Variants in ZNF536 observed in about 807,000 individuals in gnomAD.
The protein encoded by ZNF536 is zinc finger protein 536.
In ZNF536, 13 loss-of-function variants were observed where a neutral mutation model predicts 84.5. That is an observed-to-expected ratio of 0.15 (90% confidence interval 0.10 to 0.24). The LOEUF is 0.24. Ranked by LOEUF, ZNF536 falls within the 10% of genes least tolerant of loss-of-function variation. The pLI, the probability that ZNF536 is intolerant of heterozygous loss-of-function variation, is 1.00. For missense variants in ZNF536, 1,536 were observed against 1,747.5 expected (o/e 0.88, Z 2.16); for synonymous variants, 811 against 742.5 (o/e 1.09, Z -1.50).
In ZNF536 at chr19:30,245,946, G is replaced by C. The variant is rs545744138; in HGVS notation, c.-190+17273G>C. Among the ~76,000 whole-genome samples, 6 of 152,350 alleles carry C rather than the reference G, an allele frequency of 3.9e-5. No homozygotes were observed. The South Asian group carries it at 1.2e-3, about 32-fold the overall frequency. ...TCTTTGTCGCTGCTGAGAGCCAGCT[G>C]TGTGGAGCCCTGATTAACACAGATA... On this transcript the variant is annotated intron_variant, in intron 1 of 5. Coordinates refer to the ZNF536 transcript ENST00000585628.
chr19:30,509,220 G>A (rs1011580965), intron 2 of ZNF536, among the ~76,000 whole-genome samples: 10 of 145,744 alleles, frequency 6.9e-5, no homozygotes, highest in African/African-American at 2.3e-4. Context: ...CTTGCAAATC[G>A]AGTTATATAA....
chr19:30,416,111 C>T (rs1914885194), intron 1 of ZNF536, among the ~76,000 whole-genome samples: 1 of 152,188 alleles, frequency 6.6e-6, no homozygotes, highest in South Asian at 2.1e-4. Context: ...TTTAGATCTT[C>T]AACAGGGATT....
intron 2 of ZNF536, among the ~76,000 whole-genome samples, chr19:30,486,475 C>T (rs773828716): frequency 1.3e-5 from 2 of 152,156 alleles, no homozygotes; most frequent in Non-Finnish European, 2.9e-5. Context: ...TATACATGTA[C>T]CACATTTTCT....
At chr19:30,306,494 G>A (rs933471603) in intron 2 of ZNF536, among the ~76,000 whole-genome samples, 2 of 152,188 alleles carry the variant, frequency 1.3e-5, no homozygotes, top group Admixed American at 1.3e-4. Context: ...CACGTTGATA[G>A]AGCTAATGAA....
At chr19:30,619,718 T>C (rs921411502) in intron 1 of ZNF536, among the ~76,000 whole-genome samples, 15 of 152,236 alleles carry the variant, frequency 9.9e-5, no homozygotes, top group Middle Eastern at 3.2e-3. Flanking sequence ...CTCATGTCTG[T>C]CTATATTTAT....
intron 2 of ZNF536, among the ~76,000 whole-genome samples, chr19:30,446,829 A>ACAG (rs2052372463): frequency 1.4e-5 from 2 of 141,030 alleles, no homozygotes; most frequent in African/African-American, 5.2e-5. Context: ...AACAACAACA[A>ACAG]CAACAACAAC....
intron 1 of ZNF536, among the ~76,000 whole-genome samples, chr19:30,412,116 G>A (rs1240437828): frequency 1.3e-5 from 2 of 151,698 alleles, no homozygotes; most frequent in Non-Finnish European, 2.9e-5. Flanking sequence ...CGATTTATTA[G>A]TACTAACAGT....
intron 1 of ZNF536, among the ~76,000 whole-genome samples, chr19:30,439,965 T>C (rs1259704847): frequency 8.0e-5 from 10 of 125,626 alleles, no homozygotes; most frequent in Non-Finnish European, 1.2e-4. Flanking sequence ...CTTTCTTTTT[T>C]TTTTTTTTTT....
At chr19:30,302,255 G>A (rs906609287) in intron 2 of ZNF536, among the ~76,000 whole-genome samples, 4 of 152,140 alleles carry the variant, frequency 2.6e-5, no homozygotes, top group African/African-American at 4.8e-5. Flanking sequence ...CGGGAGATGG[G>A]AGGCTCTGTC....
chr19:30,628,730 G>A (rs1024862969), intron 1 of ZNF536, among the ~76,000 whole-genome samples: 4 of 151,886 alleles, frequency 2.6e-5, no homozygotes, highest in African/African-American at 4.8e-5. Context: ...ACGGAGTCTC[G>A]CTTTGGAGCC....
At chr19:30,669,000 G>C (rs368336408) in intron 1 of ZNF536, among the ~76,000 whole-genome samples, 60 of 152,348 alleles carry the variant, frequency 3.9e-4, no homozygotes, top group African/African-American at 1.4e-3. Flanking sequence ...CGGGGGCAAG[G>C]GTTGTCGGGG....
Position 30,678,388 on chromosome 19 carries a change from C to A in ZNF536, c.170-32369C>A, listed in dbSNP as rs552611437. On this transcript the variant is annotated intron_variant, in intron 1 of 1. Transcript: ENST00000592773. The stretch of plus-strand genomic sequence containing the variant: ...GGATATCGGTGAGAGGCTCCAGGAG[C>A]CGAGTGCAGAGCCGATCCAGCCCAG... Among the ~76,000 whole-genome samples, 3 of 152,248 alleles carry A rather than the reference C, an allele frequency of 2.0e-5. No homozygotes were observed. The South Asian group carries it at 6.2e-4, about 32-fold the overall frequency.
intron 2 of ZNF536, among the ~76,000 whole-genome samples, chr19:30,287,986 A>G (rs1164933325): frequency 6.6e-6 from 1 of 152,208 alleles, no homozygotes; most frequent in Non-Finnish European, 1.5e-5. Context: ...TTCAAAATCT[A>G]ATGATCAGTT....
intron 3 of ZNF536, among the ~76,000 whole-genome samples, chr19:30,544,339 C>T (rs2045459384): frequency 6.6e-6 from 1 of 152,178 alleles, no homozygotes; most frequent in Non-Finnish European, 1.5e-5. Flanking sequence ...ATTCAGAAAA[C>T]CCTTGAAAGC....
At chr19:30,629,890 C>T (rs761890936) in intron 1 of ZNF536, among the ~76,000 whole-genome samples, 3 of 152,224 alleles carry the variant, frequency 2.0e-5, no homozygotes, top group African/African-American at 4.8e-5. Context: ...CACAGTGGTC[C>T]CTGCTCAGCC....
At chr19:30,547,430 TTA>T (rs1297679901) in intron 3 of ZNF536, among the ~76,000 whole-genome samples, 4 of 152,230 alleles carry the variant, frequency 2.6e-5, no homozygotes, top group African/African-American at 9.6e-5. Flanking sequence ...CATTTGCTAA[TTA>T]TATCCATGAT....
intron 1 of ZNF536, among the ~76,000 whole-genome samples, chr19:30,564,863 G>A (rs2046294447): frequency 6.6e-6 from 1 of 152,206 alleles, no homozygotes; most frequent in Non-Finnish European, 1.5e-5. Context: ...CCAAGGATTG[G>A]AAACGGGGAG....
intron 2 of ZNF536, among the ~76,000 whole-genome samples, chr19:30,493,185 T>A (rs965957545): frequency 2.0e-5 from 3 of 149,838 alleles, no homozygotes; most frequent in Non-Finnish European, 4.4e-5. Context: ...ACTAAAATAT[T>A]TTTTTTTCTT....
chr19:30,367,596 T>C (rs548653767), upstream of ZNF536, among the ~76,000 whole-genome samples: 20 of 152,322 alleles, frequency 1.3e-4, no homozygotes, highest in South Asian at 2.5e-3. Flanking sequence ...CTCTACCAGC[T>C]GGATAGATCA....
Sources: gnomAD v4.1 joint callset for allele counts (sites outside exome capture counted in the v4.1 genomes callset) on GRCh38, gnomAD v4.1.1 for gene constraint, MANE v1.5 for transcripts, NCBI Gene and HGNC (gene_info 2026-07-23, HGNC 2026-07-21) for gene names.